The following COL19A1 variants were observed in gnomAD, a reference collection of about 807,000 sequenced individuals.
COL19A1 encodes collagen type XIX alpha 1 chain.
Under a neutral mutation model 190.2 loss-of-function variants are expected in COL19A1, and 159 were observed. That is an observed-to-expected ratio of 0.84 (90% CI 0.73 to 0.95). The LOEUF is 0.95. Among genes scored for constraint, COL19A1 ranks in the 40% least tolerant of loss-of-function variants. COL19A1 has a pLI of 0.00. For synonymous variants in COL19A1, 509 were observed against 458.9 expected, an observed-to-expected ratio of 1.11 and a Z score of -1.39; for missense variants, 1,418 against 1,431.9, an observed-to-expected ratio of 0.99 and a Z score of 0.16.
At chr6:69,914,147 A>C (rs2149990495) in intron 4 of COL19A1, among the ~76,000 whole-genome samples, 1 of 152,256 alleles carries the variant, frequency 6.6e-6, no homozygotes, top group South Asian at 2.1e-4. Flanking sequence ...TAATCAGATC[A>C]GGCGTGAGAT....
intron 11 of COL19A1, among the ~76,000 whole-genome samples, chr6:69,966,198 G>T (rs1302530206): frequency 6.6e-6 from 1 of 152,004 alleles, no homozygotes; most frequent in East Asian, 1.9e-4. Context: ...GAGGTGGGGG[G>T]CACCTCTGCC....
intron 15 of COL19A1, among the ~76,000 whole-genome samples, chr6:70,075,505 A>G (rs1285033984): frequency 6.6e-6 from 1 of 152,212 alleles, no homozygotes; most frequent in Non-Finnish European, 1.5e-5. Flanking sequence ...ATAGTCCTTT[A>G]CTTTTGCCTC....
chr6:70,017,828 G>A (rs762583463), intron 11 of COL19A1, among the ~76,000 whole-genome samples: 1 of 152,242 alleles, frequency 6.6e-6, no homozygotes, highest in African/African-American at 2.4e-5. Flanking sequence ...ACTAAAAGGT[G>A]TCTGATGGTG....
At chr6:70,207,091 GGAGA>G in intron 50 of COL19A1, 52 bp from the exon 51 acceptor site, 1 of 1,604,830 alleles carries the variant, frequency 6.2e-7, no homozygotes, top group Non-Finnish European at 8.5e-7. Context: ...CTAGAGGGTG[GGAGA>G]GAGGAAGGGC....
intron 15 of COL19A1, among the ~76,000 whole-genome samples, chr6:70,081,229 CTT>C (rs910724244): frequency 6.6e-6 from 1 of 152,098 alleles, no homozygotes; most frequent in African/African-American, 2.4e-5. Flanking sequence ...ATTCTTAAGA[CTT>C]ATAATATTTC....
chr6:70,094,350 A>G (rs1163207215), intron 15 of COL19A1, among the ~76,000 whole-genome samples: 1 of 152,162 alleles, frequency 6.6e-6, no homozygotes, highest in African/African-American at 2.4e-5. Context: ...CCTCTTTCCT[A>G]ACATTTCCTT....
rs1438533069 is a variant in COL19A1 at position 70,211,477 on chromosome 6, C to G, written c.*4203C>G. Among the ~76,000 whole-genome samples the G allele has an allele frequency of 6.6e-6, 1 of 150,754 alleles. No individual in the cohort carries two copies. The highest frequency in any genetic ancestry group is 2.4e-5 in the African/African-American group (1 of 40,926). ...AGTGTTGACACATTTTTGTACCATCCCCCTTTTGTACCATCTCTGCTCACA... is the reference window on the plus strand; with the variant it reads ...AGTGTTGACACATTTTTGTACCATCGCCCTTTTGTACCATCTCTGCTCACA... On this transcript the variant is annotated 3_prime_UTR_variant, in exon 51 of 51. Coordinates refer to ENST00000620364, the MANE Select transcript of COL19A1 (RefSeq NM_001858.6).
chr6:69,921,368 CAT>C (rs1394217208), intron 4 of COL19A1, among the ~76,000 whole-genome samples: 12 of 102,496 alleles, frequency 1.2e-4, no homozygotes, highest in South Asian at 9.5e-4. Flanking sequence ...TCATATATAT[CAT>C]ATATATCATA....
chr6:70,095,398 A>T (rs909721771), intron 15 of COL19A1, among the ~76,000 whole-genome samples: 5 of 152,316 alleles, frequency 3.3e-5, no homozygotes, highest in Non-Finnish European at 7.4e-5. Flanking sequence ...TAGAGACATT[A>T]TCTAACATTT....
chr6:69,970,894 A>G (rs1388700188), intron 11 of COL19A1, among the ~76,000 whole-genome samples: 2 of 152,206 alleles, frequency 1.3e-5, no homozygotes, highest in African/African-American at 2.4e-5. Flanking sequence ...TCTGTGGCCA[A>G]TGATAATTGG....
chr6:70,180,040 G>T (rs1192592544), intron 42 of COL19A1, among the ~76,000 whole-genome samples: 1 of 152,058 alleles, frequency 6.6e-6, no homozygotes, highest in South Asian at 2.1e-4. Context: ...GTCCCACCAT[G>T]CCTGGGTAAT....
At chr6:70,150,169 T>C in intron 30 of COL19A1, 124 bp downstream of exon 30, 1 of 985,280 alleles carries the variant, frequency 1.0e-6, no homozygotes, top group Admixed American at 2.0e-5. Context: ...TGATTTTGTT[T>C]ATCCCCATTA....
intron 11 of COL19A1, among the ~76,000 whole-genome samples, chr6:69,996,293 G>A (rs1263748747): frequency 6.6e-6 from 1 of 151,946 alleles, no homozygotes; most frequent in African/African-American, 2.4e-5. Context: ...GATTAGAATC[G>A]GACCTCCTGT....
chr6:69,970,173 TA>T (rs1450455554), intron 11 of COL19A1, among the ~76,000 whole-genome samples: 1 of 152,218 alleles, frequency 6.6e-6, no homozygotes, highest in East Asian at 1.9e-4. Context: ...ACAAATGATA[TA>T]AAATTTTATT....
intron 1 of COL19A1, among the ~76,000 whole-genome samples, chr6:69,876,537 A>T (rs1768141769): frequency 6.6e-6 from 1 of 152,232 alleles, no homozygotes; most frequent in Non-Finnish European, 1.5e-5. Context: ...AAGGCCCTAT[A>T]TAATACACAT....
At chr6:69,959,099 A>T (rs887222461) in intron 9 of COL19A1, among the ~76,000 whole-genome samples, 2 of 152,204 alleles carry the variant, frequency 1.3e-5, no homozygotes, top group African/African-American at 2.4e-5. Context: ...TATTGAGAAT[A>T]TGCACATCCT....
chr6:70,096,331 C>A (rs955401516), intron 15 of COL19A1, among the ~76,000 whole-genome samples: 2 of 151,670 alleles, frequency 1.3e-5, no homozygotes, highest in Admixed American at 1.3e-4. Context: ...TGGCCTCAGG[C>A]AATCCACCCT....
rs756753332 is a variant in COL19A1 at position 69,900,326 on chromosome 6, T to C, written c.254T>C (p.Ile85Thr). ...TCFKLGSALL[I>T]RDTIKIFPKG... ...TTCAAATTGGGAAGTGCACTTCTTA[T>C]TAGAGACACTATGTAAGTAAAAAAT... is the stretch of plus-strand genomic sequence containing the variant. Residue 85 changes from isoleucine (I) to threonine (T), a missense_variant, in exon 4 of 51, where the codon ATT becomes ACT. By Grantham distance (89) the Ile-to-Thr change is moderately conservative. Coordinates refer to ENST00000620364, the MANE Select transcript of COL19A1 (RefSeq NM_001858.6). The C allele has an allele frequency of 3.2e-6, 5 of 1,555,846 alleles. No individual in the cohort carries two copies. The highest frequency in any genetic ancestry group is 3.5e-6 in the Non-Finnish European group (4 of 1,144,002).
rs568578414 is a variant in COL19A1, at chr6:69,925,890, T to C, written c.267-2019T>C. On this transcript the variant is annotated intron_variant, in intron 4 of 50. Transcript: ENST00000620364. ...ACTCATGATTTGGCTCTCTGTTTGT[T>C]TGTTATTGGTGTATAAGAATGCTTG... is the stretch of plus-strand genomic sequence containing the variant. Among the ~76,000 whole-genome samples, 114 of 152,184 alleles carry C rather than the reference T, an allele frequency of 7.5e-4. 1 individual carries two copies. The South Asian group carries it at 0.011, about 14-fold the overall frequency.
Sources: gnomAD v4.1 joint callset for allele counts (sites outside exome capture counted in the v4.1 genomes callset) on GRCh38, gnomAD v4.1.1 for gene constraint, MANE v1.5 for transcripts, NCBI Gene and HGNC (gene_info 2026-07-23, HGNC 2026-07-21) for gene names.